Variants in ERP44 observed in about 807,000 individuals in gnomAD.
ERP44 encodes endoplasmic reticulum protein 44, also known as endoplasmic reticulum resident protein 44.
Under a neutral mutation model 53.4 loss-of-function variants are expected in ERP44, and 25 were observed. The ratio of observed to expected loss-of-function variants is 0.47; its 90% CI spans 0.34 to 0.65. The LOEUF (loss-of-function observed/expected upper bound fraction) is 0.65, where lower values mean the gene tolerates loss of function less well. ERP44 is among the 30% of genes least tolerant of loss of function. The pLI is 0.01. For missense variants in ERP44, 338 were observed against 493.2 expected (o/e 0.69, Z 2.98); for synonymous variants, 145 against 161.2 (o/e 0.90, Z 0.76).
intron 1 of ERP44, among the ~76,000 whole-genome samples, chr9:100,096,481 C>A (rs764410897): frequency 2.2e-4 from 33 of 151,932 alleles, no homozygotes; most frequent in Admixed American, 4.6e-4. Flanking sequence ...AGTTACCCAT[C>A]CAGAAAGGCT....
intron 4 of ERP44, among the ~76,000 whole-genome samples, chr9:100,022,483 C>T (rs1016687576): frequency 3.3e-5 from 5 of 152,164 alleles, no homozygotes; most frequent in Admixed American, 6.6e-5. Context: ...CTCTCCATGC[C>T]TTAGTTCTCA....
intron 1 of ERP44, among the ~76,000 whole-genome samples, chr9:100,071,475 A>G (rs541712647): frequency 1.4e-3 from 208 of 152,332 alleles, no homozygotes; most frequent in Middle Eastern, 3.4e-3. Context: ...ACAGTCACTT[A>G]GTTCCAGAAT....
intron 1 of ERP44, among the ~76,000 whole-genome samples, chr9:100,065,604 T>C (rs184348009): frequency 6.6e-6 from 1 of 152,184 alleles, no homozygotes; most frequent in African/African-American, 2.4e-5. Flanking sequence ...ACAATTTTTG[T>C]CAATTATACC....
Position 100,046,826 on chromosome 9 carries a change from GA to G in ERP44, c.286+5590del, listed in dbSNP as rs1454261881. Among the ~76,000 whole-genome samples, 7 of 151,834 alleles carry G rather than the reference GA, an allele frequency of 4.6e-5. No homozygotes were observed. The South Asian group carries it at 8.3e-4, about 18-fold the overall frequency. ...TCAACCAGAACTGCCAAACAACTCT[GA>G]AAAAAAAGTACAAAGTTGAAAGCTT... On this transcript the variant is annotated intron_variant, in intron 4 of 11. Transcript: ENST00000262455.
chr9:100,076,002 C>T (rs1826351521), intron 1 of ERP44, among the ~76,000 whole-genome samples: 1 of 152,126 alleles, frequency 6.6e-6, no homozygotes, highest in Non-Finnish European at 1.5e-5. Flanking sequence ...TTTGTCAGGC[C>T]CCTATAGGTG....
intron 8 of ERP44, among the ~76,000 whole-genome samples, chr9:100,009,950 A>C (rs199962671): frequency 3.2e-4 from 15 of 47,120 alleles, no homozygotes; most frequent in African/African-American, 8.1e-4. Flanking sequence ...TCTTTTTTCT[A>C]AACTCCAAGA....
At chr9:100,014,632 T>A (rs2118643659) in intron 8 of ERP44, among the ~76,000 whole-genome samples, 1 of 152,376 alleles carries the variant, frequency 6.6e-6, no homozygotes, top group East Asian at 1.9e-4. Flanking sequence ...AATTTAATAT[T>A]TCACAGCATG....
At chr9:100,079,944 A>G (rs199858862) in intron 1 of ERP44, among the ~76,000 whole-genome samples, 1 of 58,612 alleles carries the variant, frequency 1.7e-5, no homozygotes, top group Non-Finnish European at 2.6e-5. Context: ...TAAAAAAAAC[A>G]AAAAAAAAAA....
intron 4 of ERP44, among the ~76,000 whole-genome samples, chr9:100,048,287 C>T (rs1219154859): frequency 2.0e-5 from 3 of 151,798 alleles, no homozygotes; most frequent in Admixed American, 6.6e-5. Context: ...CAAACCTGCA[C>T]GTTGTGCACA....
In ERP44 at chr9:100,016,504, T is replaced by C. The variant is rs1036239120; in HGVS notation, c.646-66A>G. 39 of 1,465,376 alleles carry C rather than the reference T, an allele frequency of 2.7e-5. No individual in the cohort carries two copies. In the African/African-American group the frequency reaches 5.2e-4, roughly 20 times the overall value. 90.8% of individuals were successfully genotyped at this position (1,465,376 alleles called of 1,614,324 possible). A position where few individuals can be genotyped will look rare whatever the true frequency, so the allele number is the denominator to read the frequency against. Reference sequence around the variant, plus strand: ...CTGGCAAAAGTATATTCTTATTTTTTTTCTTTATATTTTTTAAAGCAAGGT... The same window carrying C: ...CTGGCAAAAGTATATTCTTATTTTTCTTCTTTATATTTTTTAAAGCAAGGT... On this transcript the variant is annotated intron_variant, in intron 7 of 11. Transcript: ENST00000262455.
intron 4 of ERP44, among the ~76,000 whole-genome samples, chr9:100,038,696 C>T (rs1431444466): frequency 6.6e-6 from 1 of 151,866 alleles, no homozygotes; most frequent in African/African-American, 2.4e-5. Flanking sequence ...TCAAAAGACA[C>T]AGACTGGTGT....
At chr9:100,056,177 G>A (rs1390864993) in intron 3 of ERP44, among the ~76,000 whole-genome samples, 2 of 152,138 alleles carry the variant, frequency 1.3e-5, no homozygotes, top group African/African-American at 4.8e-5. Context: ...GTAACCTTGG[G>A]AAAGTACTTC....
At chr9:99,997,620 G>T (rs1830326779) in intron 10 of ERP44, among the ~76,000 whole-genome samples, 1 of 151,794 alleles carries the variant, frequency 6.6e-6, no homozygotes, top group South Asian at 2.1e-4. Context: ...CTGTTATTTG[G>T]GCAAATCCTT....
intron 10 of ERP44, among the ~76,000 whole-genome samples, chr9:99,993,941 A>G (rs555791560): frequency 6.6e-6 from 1 of 152,374 alleles, no homozygotes; most frequent in Admixed American, 6.5e-5. Flanking sequence ...AATGCAAATC[A>G]AAACCACAAT....
chr9:100,057,763 A>T lies in ERP44; in HGVS notation c.170+57T>A, dbSNP rs571888316. On this transcript the variant is annotated intron_variant, in intron 3 of 11. Transcript: ENST00000262455. ...CTTCCCTTCCCCTTTCTAGCAAAGAAAAATTAACCTTTAGCAAGTAAAAAC... is the reference window on the plus strand; with the variant it reads ...CTTCCCTTCCCCTTTCTAGCAAAGATAAATTAACCTTTAGCAAGTAAAAAC... The T allele has an allele frequency of 3.0e-6, 4 of 1,334,886 alleles. No homozygotes were observed. In the South Asian group the frequency reaches 5.0e-5, roughly 17 times the overall value. 82.7% of individuals were successfully genotyped at this position (1,334,886 alleles called of 1,614,324 possible).
At chr9:100,085,514 A>G (rs538981126) in intron 1 of ERP44, among the ~76,000 whole-genome samples, 1 of 152,372 alleles carries the variant, frequency 6.6e-6, no homozygotes, top group South Asian at 2.1e-4. Flanking sequence ...CCCCCATGGA[A>G]GCAATATTCC....
At chr9:100,004,317 A>G (rs1319819849) in intron 10 of ERP44, among the ~76,000 whole-genome samples, 1 of 152,158 alleles carries the variant, frequency 6.6e-6, no homozygotes, top group Non-Finnish European at 1.5e-5. Context: ...TGTGAGTGCT[A>G]GCCTCATGAT....
At chr9:100,027,168 G>A (rs748475183) in intron 4 of ERP44, among the ~76,000 whole-genome samples, 1 of 152,216 alleles carries the variant, frequency 6.6e-6, no homozygotes, top group African/African-American at 2.4e-5. Context: ...CCTGGAAGTA[G>A]TAGAGAACCA....
rs58004954 is a variant in ERP44, at chr9:100,063,075, C to CAAAAAAAAAAAAA, written c.58-2916_58-2904dup. Among the ~76,000 whole-genome samples, 124 of 40,038 alleles carry CAAAAAAAAAAAAA rather than the reference C, an allele frequency of 3.1e-3. 24 individuals are homozygous for CAAAAAAAAAAAAA. Among genetic ancestry groups the CAAAAAAAAAAAAA allele is most frequent in the African/African-American group, 8.9e-3 (82 of 9,240 alleles). The allele number at this position is 40,038 out of a possible 152,430, so 26.3% of individuals were successfully genotyped here. The stretch of plus-strand genomic sequence containing the variant: ...GATGACAGAACAGGACCCTGTCTCA[C>CAAAAAAAAAAAAA]AAAAAAAAAAAAAAAAAAGAGAGAG... On this transcript the variant is annotated intron_variant, in intron 1 of 11. Coordinates refer to ENST00000262455, the MANE Select transcript of ERP44 (RefSeq NM_015051.3).
Sources: allele counts gnomAD v4.1 joint callset (sites outside exome capture counted in the v4.1 genomes callset), GRCh38; gene constraint gnomAD v4.1.1; transcripts MANE v1.5; gene names NCBI Gene and HGNC (gene_info 2026-07-23, HGNC 2026-07-21).